Variants in TRPM1 observed in about 807,000 individuals in gnomAD.
The protein encoded by TRPM1 is transient receptor potential cation channel subfamily M member 1.
Under a neutral mutation model 149.4 loss-of-function variants are expected in TRPM1, and 113 were observed. The observed-to-expected ratio is 0.76, with a 90% confidence interval of 0.65 to 0.88. TRPM1 has a LOEUF of 0.88. Among genes scored for constraint, TRPM1 ranks in the 40% least tolerant of loss-of-function variants. The pLI is 0.00. For missense variants in TRPM1, 1,976 were observed against 2,038.7 expected, an observed-to-expected ratio of 0.97 and a Z score of 0.59; for synonymous variants, 741 against 759.5, an observed-to-expected ratio of 0.98 and a Z score of 0.40.
rs776924628 is a variant in TRPM1 at position 31,069,949 on chromosome 15, G to A, written c.279+82C>T. On this transcript the variant is annotated intron_variant, in intron 4 of 27. Transcript: ENST00000256552. ...GAGCCACAGCCATGAAGAAGACCAG[G>A]TATCTGCAGTTTGGGGCTGGGAGAC... The A allele has an allele frequency of 4.3e-6, 7 of 1,613,132 alleles. No homozygotes were observed. The Admixed American group carries it at 1.0e-4, about 23-fold the overall frequency.
chr15:31,132,656 G>A (rs923662362), intron 1 of TRPM1, among the ~76,000 whole-genome samples: 7 of 152,122 alleles, frequency 4.6e-5, no homozygotes, highest in African/African-American at 7.2e-5. Context: ...ACTAGTTCCC[G>A]ACAGGGCGCC....
intron 1 of TRPM1, among the ~76,000 whole-genome samples, chr15:31,121,883 C>T (rs947338590): frequency 6.6e-6 from 1 of 152,046 alleles, no homozygotes; most frequent in Non-Finnish European, 1.5e-5. Context: ...GAAACTATAG[C>T]CAATATTTCT....
At chr15:31,108,564 G>T (rs550119469) in intron 1 of TRPM1, among the ~76,000 whole-genome samples, 2 of 152,312 alleles carry the variant, frequency 1.3e-5, no homozygotes, top group African/African-American at 4.8e-5. Flanking sequence ...CACGATCTCA[G>T]CTCACTGCAA....
chr15:31,155,414 G>A (rs1263534066), intron 1 of TRPM1, among the ~76,000 whole-genome samples: 4 of 152,216 alleles, frequency 2.6e-5, no homozygotes, highest in Non-Finnish European at 4.4e-5. Flanking sequence ...GTTTGCAGAA[G>A]TTCTTCTTAG....
intron 1 of TRPM1, among the ~76,000 whole-genome samples, chr15:31,101,271 C>T (rs3784601): frequency 0.24 from 36,563 of 152,092 alleles, 4,957 homozygotes; most frequent in African/African-American, 0.34. Context: ...AGAAGCTGGC[C>T]CTGAGGGAAG....
chr15:31,069,600 C>A, intron 4 of TRPM1: 1 of 1,275,924 alleles, frequency 7.8e-7, no homozygotes, highest in Non-Finnish European at 9.8e-7. Context: ...GACCTTGGTC[C>A]TTCTCGGGCC....
chr15:31,126,091 C>G (rs547312897), intron 1 of TRPM1, among the ~76,000 whole-genome samples: 3 of 152,064 alleles, frequency 2.0e-5, no homozygotes, highest in Non-Finnish European at 2.9e-5. Context: ...AAGATCACAC[C>G]GCTGCACTCC....
chr15:31,059,802 TG>T (rs1162286686), intron 11 of TRPM1, among the ~76,000 whole-genome samples: 2 of 152,222 alleles, frequency 1.3e-5, no homozygotes, highest in African/African-American at 4.8e-5. Flanking sequence ...AAATTTATCC[TG>T]ACTCCTAATC....
upstream of TRPM1, among the ~76,000 whole-genome samples, chr15:31,103,551 G>A (rs1026985244): frequency 3.9e-5 from 6 of 152,056 alleles, no homozygotes; most frequent in African/African-American, 1.4e-4. Flanking sequence ...CCCAGCTCAC[G>A]CCTGCAATTC....
rs556656172 is a variant in TRPM1, at chr15:31,136,749, C to CCTTTTT, written c.54+24156_54+24157insAAAAAG. On this transcript the variant is annotated intron_variant, in intron 1 of 26. Transcript: ENST00000542188. ...TCTGCTTTCCTCAGCCGCCCCCACC[C>CCTTTTT]TTTTTTTTTTTTTTGCCTATAAAGC... Among the ~76,000 whole-genome samples the CCTTTTT allele has an allele frequency of 9.2e-4, 127 of 137,798 alleles. 2 individuals are homozygous for CCTTTTT. Among genetic ancestry groups the CCTTTTT allele is most frequent in the South Asian group, 2.3e-3 (10 of 4,358 alleles). The allele number at this position is 137,798 out of a possible 152,430, so 90.4% of individuals were successfully genotyped here. A position where few individuals can be genotyped will look rare whatever the true frequency, so the allele number is the denominator to read the frequency against.
intron 1 of TRPM1, among the ~76,000 whole-genome samples, chr15:31,155,084 G>A (rs2141065471): frequency 6.6e-6 from 1 of 152,316 alleles, no homozygotes; most frequent in South Asian, 2.1e-4. Flanking sequence ...CCCCTTGGGT[G>A]GTTACAAATT....
At chr15:31,100,464 AC>A (rs886441514) in intron 1 of TRPM1, among the ~76,000 whole-genome samples, 2 of 152,148 alleles carry the variant, frequency 1.3e-5, no homozygotes, top group African/African-American at 2.4e-5. Flanking sequence ...GTATACATGC[AC>A]CAAAAAATCA....
chr15:31,062,514 G>A, intron 9 of TRPM1, 65 bp downstream of exon 9: 1 of 1,600,902 alleles, frequency 6.2e-7, no homozygotes, highest in Admixed American at 1.7e-5. Flanking sequence ...CACATGGGCG[G>A]AATTAGAAAA....
At position 31,143,870 on chromosome 15, in the gene TRPM1, G is replaced by A. The variant is rs144949490; in HGVS notation, c.54+17036C>T. Among the ~76,000 whole-genome samples the A allele has an allele frequency of 3.2e-3, 481 of 152,070 alleles. 2 individuals are homozygous for A. Among genetic ancestry groups the A allele is most frequent in the African/African-American group, 0.011 (463 of 41,460 alleles). On this transcript the variant is annotated intron_variant, in intron 1 of 26. Transcript: ENST00000542188. ...TCCTAAATTCAGAAGCTATTTGTGAGTATTCTTATTTTTATGGTAATATGG... is the reference window on the plus strand; with the variant it reads ...TCCTAAATTCAGAAGCTATTTGTGAATATTCTTATTTTTATGGTAATATGG...
At chr15:31,118,972 G>A (rs2035839610) in intron 1 of TRPM1, among the ~76,000 whole-genome samples, 1 of 152,164 alleles carries the variant, frequency 6.6e-6, no homozygotes, top group Admixed American at 6.6e-5. Flanking sequence ...AGGCGCAGTG[G>A]TTCATGCCTG....
intron 11 of TRPM1, among the ~76,000 whole-genome samples, chr15:31,050,904 G>A (rs2033932574): frequency 6.6e-6 from 1 of 152,174 alleles, no homozygotes; most frequent in African/African-American, 2.4e-5. Context: ...TAAAGTGGCT[G>A]ACATTTTGAT....
chr15:31,031,387 C>G (rs1374352529), intron 22 of TRPM1: 3 of 589,762 alleles, frequency 5.1e-6, no homozygotes, highest in Non-Finnish European at 9.0e-6. Context: ...TGCTCTTCAT[C>G]CTTCTTGCTT....
chr15:31,149,843 A>G (rs1433037892), intron 1 of TRPM1, among the ~76,000 whole-genome samples: 1 of 152,192 alleles, frequency 6.6e-6, no homozygotes. Context: ...TCCCTCTTCC[A>G]TCTTGACATT....
In TRPM1 at chr15:31,003,057, A is replaced by G. The variant is rs2031854325; in HGVS notation, c.3643T>C (p.Ser1215Pro). Residue 1215 changes from serine (S) to proline (P), a missense_variant, in exon 28 of 28, where the codon TCA (serine) becomes CCA (proline). Transcript: ENST00000256552. Reference sequence around the variant, plus strand: ...TCATTGATTTCTTCCAACCTCATTGACATATTTTCAACTCTGGTGAATATA... The same window carrying G: ...TCATTGATTTCTTCCAACCTCATTGGCATATTTTCAACTCTGGTGAATATA... ...RVTSERVENM[S>P]MRLEEINERE... 1 of 1,603,884 alleles carries G rather than the reference A, an allele frequency of 6.2e-7. No individual in the cohort carries two copies. The highest frequency in any genetic ancestry group is 1.1e-5 in the South Asian group (1 of 88,250).
Sources: allele counts gnomAD v4.1 joint callset (sites outside exome capture counted in the v4.1 genomes callset), GRCh38; gene constraint gnomAD v4.1.1; transcripts MANE v1.5; gene names NCBI Gene and HGNC (gene_info 2026-07-23, HGNC 2026-07-21).